MXD4: variants seen among roughly 807,000 people sequenced by gnomAD.
The protein encoded by MXD4 is Mad4 homolog.
In MXD4, 16 loss-of-function variants were observed where a neutral mutation model predicts 24.5. The observed-to-expected ratio is 0.65, with a 90% CI of 0.44 to 0.99. The LOEUF (loss-of-function observed/expected upper bound fraction) is 0.99, where lower values mean the gene tolerates loss of function less well. Among genes scored for constraint, MXD4 ranks in the 50% least tolerant of loss-of-function variants. The pLI, the probability that MXD4 is intolerant of heterozygous loss-of-function variation, is 0.00. For synonymous variants in MXD4, 164 were observed against 134.2 expected, an observed-to-expected ratio of 1.22 and a Z score of -1.54; for missense variants, 301 against 301.5, an observed-to-expected ratio of 1.00 and a Z score of 0.01.
At chr4:2,253,933 G>T (rs1326877500) in intron 3 of MXD4, 1 of 152,288 alleles carries the variant, frequency 6.6e-6, no homozygotes, top group African/African-American at 2.4e-5. Context: ...CCGCCAACAG[G>T]AGTGAGCGCC....
At position 2,252,482 on chromosome 4, in the gene MXD4, G is replaced by C; in HGVS notation, c.235C>G (p.Leu79Val). Residue 79 changes from leucine (L) to valine (V), a missense_variant, in exon 4 of 6, where the codon CTG becomes GTG. Leu to Val is a conservative substitution (Grantham distance 32). Coordinates refer to ENST00000337190, the MANE Select transcript of MXD4 (RefSeq NM_006454.3). ...LRLYLEQLKQ[L>V]VPLGPDSTRH... Reference sequence around the variant, plus strand: ...GTGCTGTCGGGGCCCAGGGGCACCAGTTGCTTGAGCTGCTCAAGGTACAGC... The same window carrying C: ...GTGCTGTCGGGGCCCAGGGGCACCACTTGCTTGAGCTGCTCAAGGTACAGC... 6.2e-7 allele frequency: 1 copy of C among 1,612,232 alleles called. No homozygotes were observed. The highest frequency in any genetic ancestry group is 1.3e-5 in the African/African-American group (1 of 75,024).
At chr4:2,256,288 G>T (rs754446403) in intron 3 of MXD4, among the ~76,000 whole-genome samples, 1 of 152,212 alleles carries the variant, frequency 6.6e-6, no homozygotes, top group African/African-American at 2.4e-5. Context: ...AGACCTGCTG[G>T]AGCTGCCTCT....
chr4:2,258,614 G>C (rs961971260), intron 2 of MXD4, among the ~76,000 whole-genome samples: 2 of 152,342 alleles, frequency 1.3e-5, no homozygotes, highest in African/African-American at 4.8e-5. Context: ...TCAGGACACA[G>C]GTGGTCCTGT....
chr4:2,260,542 A>T (rs1377861212), intron 2 of MXD4: 10 of 455,692 alleles, frequency 2.2e-5, no homozygotes, highest in Non-Finnish European at 4.4e-5. Flanking sequence ...GAGAAGCGGC[A>T]GCGGGGGCCG....
chr4:2,252,439 C>T lies in MXD4; in HGVS notation c.278G>A (p.Ser93Asn), dbSNP rs947719919. 7 of 1,613,284 alleles carry T rather than the reference C, an allele frequency of 4.3e-6. No individual in the cohort carries two copies. Among genetic ancestry groups the T allele is most frequent in the African/African-American group, 4.0e-5 (3 of 74,926 alleles). Residue 93 changes from serine (S) to asparagine (N), a missense_variant, in exon 4 of 6, where the codon AGC becomes AAC. Physicochemically the swap from Ser to Asn is conservative, Grantham distance 46. Transcript: ENST00000337190. ...GTGCACCTTGGCCCGCTTCAGGAGG[C>T]TCAGCGTGGTGTGGCGGGTGCTGTC... is the stretch of plus-strand genomic sequence containing the variant. ...GPDSTRHTTL[S>N]LLKRAKVHIK...
chr4:2,259,841 C>T (rs1735502848), intron 2 of MXD4, among the ~76,000 whole-genome samples: 2 of 152,196 alleles, frequency 1.3e-5, no homozygotes, highest in Non-Finnish European at 2.9e-5. Flanking sequence ...AGCACACTTC[C>T]CACAGAATGG....
At position 2,262,088 on chromosome 4, in the gene MXD4, G is replaced by C. The variant is rs921768517; in HGVS notation, c.-108C>G. The C allele has an allele frequency of 1.1e-4, 51 of 445,700 alleles. No individual in the cohort carries two copies. Among genetic ancestry groups the C allele is most frequent in the Admixed American group, 3.2e-4 (5 of 15,542 alleles). 27.6% of individuals were successfully genotyped at this position (445,700 alleles called of 1,614,324 possible). ...CGCGCGCCCGGCCGCCGCACTTCCAGACTCCGCGGACTCCGGCGCTCGGCC... is the reference window on the plus strand; with the variant it reads ...CGCGCGCCCGGCCGCCGCACTTCCACACTCCGCGGACTCCGGCGCTCGGCC... On this transcript the variant is annotated 5_prime_UTR_variant, in exon 1 of 6. Coordinates refer to ENST00000337190, the MANE Select transcript of MXD4 (RefSeq NM_006454.3).
In MXD4 at chr4:2,250,548, G is replaced by C; in HGVS notation, c.626C>G (p.Ser209Trp). ...CAAGGAGCAGAGGGCACGGGCCTAC[G>C]AGAGGGCGGGGCGGCCCAGCCGCCG... ...HCRRLGRPALS is the reference protein window; with the variant it reads ...HCRRLGRPALW The change falls in exon 6 of 6, where the codon TCG (serine) becomes TGG (tryptophan). Residue 209 changes from serine to tryptophan, a missense_variant. Ser to Trp is a radical substitution (Grantham distance 177). Coordinates refer to ENST00000337190, the MANE Select transcript of MXD4 (RefSeq NM_006454.3). The C allele has an allele frequency of 1.9e-6, 3 of 1,584,786 alleles. No homozygotes were observed. Among genetic ancestry groups the C allele is most frequent in the Non-Finnish European group, 2.6e-6 (3 of 1,166,234 alleles).
chr4:2,250,151 T>G lies in MXD4; in HGVS notation c.*393A>C. 4.8e-6 allele frequency: 1 copy of G among 210,468 alleles called. No individual in the cohort carries two copies. Among genetic ancestry groups the G allele is most frequent in the Non-Finnish European group, 9.7e-6 (1 of 103,266 alleles). 13.0% of individuals were successfully genotyped at this position (210,468 alleles called of 1,614,324 possible). A position where few individuals can be genotyped will look rare whatever the true frequency, so the allele number is the denominator to read the frequency against. On this transcript the variant is annotated 3_prime_UTR_variant, in exon 6 of 6. Transcript: ENST00000337190. ...TTCCTTCCTTCCTCGGTCCACTCCT[T>G]TCTCCTGGGATCCAGGGTTGGGGTC... is the stretch of plus-strand genomic sequence containing the variant.
intron 4 of MXD4, among the ~76,000 whole-genome samples, chr4:2,251,624 C>T (rs1005911160): frequency 5.3e-5 from 8 of 152,378 alleles, no homozygotes; most frequent in African/African-American, 1.7e-4. Flanking sequence ...TCTCCTCACA[C>T]ACTCCCAGCC....
chr4:2,252,503 A>G lies in MXD4; in HGVS notation c.214T>C (p.Tyr72His). ...EKHRRAKLRL[Y>H]LEQLKQLVPL... is the part of the protein sequence containing the mutation. ...ACCAGTTGCTTGAGCTGCTCAAGGT[A>G]CAGCCTGAGTTTGGCTCGTCTGAAA... The change falls in exon 4 of 6, where the codon TAC becomes CAC. Residue 72 changes from tyrosine (Y) to histidine (H), a missense_variant. Physicochemically the swap from Tyr to His is moderately conservative, Grantham distance 83 (BLOSUM62 2). Transcript: ENST00000337190. 7 of 1,611,836 alleles carry G rather than the reference A, an allele frequency of 4.3e-6. No individual in the cohort carries two copies. Among genetic ancestry groups the G allele is most frequent in the Non-Finnish European group, 5.9e-6 (7 of 1,179,652 alleles).
At chr4:2,260,418 G>A (rs879666439) in intron 2 of MXD4, 1 of 383,278 alleles carries the variant, frequency 2.6e-6, no homozygotes, top group African/African-American at 2.1e-5. Flanking sequence ...CAGCATAGAG[G>A]CAGTGTTCGG....
At chr4:2,255,442 G>C in intron 3 of MXD4, 1 of 454,904 alleles carries the variant, frequency 2.2e-6, no homozygotes, top group East Asian at 7.0e-5. Context: ...GAGTGTGGGC[G>C]CCAGGGCTGG....
intron 4 of MXD4, 62 bp downstream of exon 4, chr4:2,252,346 C>T: frequency 3.0e-6 from 4 of 1,352,668 alleles, no homozygotes; most frequent in Non-Finnish European, 4.2e-6. Context: ...AGCACCCCCC[C>T]AGGGCGTGCA....
chr4:2,252,057 C>T (rs1286967784), intron 4 of MXD4, among the ~76,000 whole-genome samples: 1 of 152,158 alleles, frequency 6.6e-6, no homozygotes, highest in East Asian at 1.9e-4. Flanking sequence ...CCCCCTCTCT[C>T]CTTCCAGCAG....
chr4:2,259,119 C>A, intron 2 of MXD4: 1 of 360,666 alleles, frequency 2.8e-6, no homozygotes, highest in South Asian at 1.9e-5. Context: ...GCCCTGAGGC[C>A]TCTCCCTGCC....
Position 2,252,803 on chromosome 4 carries a change from G to A in MXD4, c.195-281C>T, listed in dbSNP as rs567160725. 58 of 357,418 alleles carry A rather than the reference G, an allele frequency of 1.6e-4. 1 individual carries two copies. Among genetic ancestry groups the A allele is most frequent in the African/African-American group, 7.1e-4 (33 of 46,410 alleles). The allele number at this position is 357,418 out of a possible 1,614,324, so 22.1% of individuals were successfully genotyped here. On this transcript the variant is annotated intron_variant, in intron 3 of 5. Transcript: ENST00000337190. ...AGGCATTTCCTAGGAGCCCCAGCTC[G>A]CCCCCCTGCCATCCCCCATCCCCCA...
intron 4 of MXD4, among the ~76,000 whole-genome samples, chr4:2,251,605 T>C (rs1735324613): frequency 6.6e-6 from 1 of 152,228 alleles, no homozygotes; most frequent in Admixed American, 6.5e-5. Context: ...CAGTCCTGCT[T>C]ACAGCGGGTC....
rs534637240 is a variant in MXD4, at chr4:2,261,517, G to C, written c.164+208C>G. On this transcript the variant is annotated intron_variant, in intron 2 of 5. Transcript: ENST00000337190. ...TTACGCGAGCGGCCCGGGAGGCGCG[G>C]CCGCGGGAAGATGGCGACGGCGAGG... Among the ~76,000 whole-genome samples the C allele has an allele frequency of 1.8e-3, 268 of 150,268 alleles. 2 individuals carry two copies. Among genetic ancestry groups the C allele is most frequent in the African/African-American group, 6.3e-3 (259 of 41,168 alleles).
Sources: allele counts gnomAD v4.1 joint callset (sites outside exome capture counted in the v4.1 genomes callset), GRCh38; gene constraint gnomAD v4.1.1; transcripts MANE v1.5; gene names NCBI Gene and HGNC (gene_info 2026-07-23, HGNC 2026-07-21).